The following FHIT variants were observed in gnomAD, a reference collection of about 807,000 sequenced individuals.
FHIT encodes bis(5'-adenosyl)-triphosphatase.
A neutral mutation model predicts 17.9 loss-of-function variants in FHIT; 19 were observed. The ratio of observed to expected loss-of-function variants is 1.06; its 90% CI spans 0.74 to 1.56. FHIT has a LOEUF of 1.56. Ranked by LOEUF, FHIT falls within the 40% of genes most tolerant of loss-of-function variation. The probability of loss-of-function intolerance (pLI) is 0.00; values close to 1 mark genes in which losing one functional copy is unlikely to be tolerated. For missense variants in FHIT, 248 were observed against 189.2 expected, an observed-to-expected ratio of 1.31 and a Z score of -1.82; for synonymous variants, 81 against 69.7, an observed-to-expected ratio of 1.16 and a Z score of -0.81.
intron 4 of FHIT, among the ~76,000 whole-genome samples, chr3:60,632,559 C>T (rs1049326088): frequency 6.6e-6 from 1 of 152,134 alleles, no homozygotes; most frequent in Non-Finnish European, 1.5e-5. Context: ...ATAATTTAGT[C>T]CTGATTTCCA....
intron 1 of FHIT, among the ~76,000 whole-genome samples, chr3:61,233,653 G>A (rs2106885219): frequency 6.6e-6 from 1 of 152,236 alleles, no homozygotes; most frequent in Non-Finnish European, 1.5e-5. Flanking sequence ...GCAAGATTAT[G>A]GGTGAAATAT....
chr3:61,220,922 T>C (rs2039819073), intron 1 of FHIT, among the ~76,000 whole-genome samples: 1 of 152,204 alleles, frequency 6.6e-6, no homozygotes, highest in African/African-American at 2.4e-5. Flanking sequence ...CGACATGCCC[T>C]TGCCACATCT....
intron 5 of FHIT, among the ~76,000 whole-genome samples, chr3:60,147,052 A>G (rs1159853862): frequency 1.3e-5 from 2 of 152,216 alleles, no homozygotes; most frequent in Non-Finnish European, 2.9e-5. Context: ...AGGAAGAAAA[A>G]TAAAGGAGCG....
chr3:60,012,262 TGTTG>T (rs1157335041), intron 6 of FHIT, among the ~76,000 whole-genome samples: 10 of 137,332 alleles, frequency 7.3e-5, no homozygotes, highest in African/African-American at 2.8e-4. Flanking sequence ...GTGTTTTTTT[TGTTG>T]TTTTTTTTTT....
At chr3:59,977,769 A>G (rs538237912) in intron 7 of FHIT, among the ~76,000 whole-genome samples, 2 of 152,316 alleles carry the variant, frequency 1.3e-5, no homozygotes, top group African/African-American at 4.8e-5. Context: ...TAGCTCCAGG[A>G]CAAAAGACTT....
intron 4 of FHIT, among the ~76,000 whole-genome samples, chr3:60,619,095 A>T (rs2039038649): frequency 6.6e-6 from 1 of 152,184 alleles, no homozygotes; most frequent in Non-Finnish European, 1.5e-5. Flanking sequence ...GCAAAGATTA[A>T]CATAGCAACT....
intron 5 of FHIT, among the ~76,000 whole-genome samples, chr3:60,267,146 G>T (rs1170774166): frequency 6.6e-6 from 1 of 151,950 alleles, no homozygotes; most frequent in East Asian, 1.9e-4. Context: ...AAAATCAATA[G>T]AAAGAGCTTG....
At chr3:61,129,395 C>T (rs776493013) in intron 2 of FHIT, among the ~76,000 whole-genome samples, 6 of 152,134 alleles carry the variant, frequency 3.9e-5, no homozygotes, top group African/African-American at 7.2e-5. Flanking sequence ...GAGTGTGCAA[C>T]TGCTTGGTGA....
At chr3:60,541,829 T>C (rs2036196339) in intron 4 of FHIT, among the ~76,000 whole-genome samples, 1 of 152,228 alleles carries the variant, frequency 6.6e-6, no homozygotes, top group Non-Finnish European at 1.5e-5. Context: ...GAAGAAGTCA[T>C]GTACCAGAAG....
rs143067083 is a variant in FHIT at position 60,089,361 on chromosome 3, G to A, written c.104-75209C>T. Among the ~76,000 whole-genome samples the A allele has an allele frequency of 1.6e-4, 24 of 152,116 alleles. No individual in the cohort carries two copies. In the East Asian group the frequency reaches 4.5e-3, roughly 28 times the overall value. On this transcript the variant is annotated intron_variant, in intron 5 of 9. Transcript: ENST00000492590. The stretch of plus-strand genomic sequence containing the variant: ...TGGTGGTATCCTCAATAAACTATGA[G>A]TTCTGTGGGGGAAGGAACCATGATT...
At chr3:60,955,633 T>TATATATATATATATATATACACACAC in intron 3 of FHIT, among the ~76,000 whole-genome samples, 1 of 39,548 alleles carries the variant, frequency 2.5e-5, no homozygotes, top group African/African-American at 8.0e-5. Flanking sequence ...TATATATATA[T>TATATATATATATATATATACACACAC]ACACACACAC....
chr3:60,463,866 C>T (rs1222195668), intron 5 of FHIT, among the ~76,000 whole-genome samples: 1 of 152,196 alleles, frequency 6.6e-6, no homozygotes, highest in African/African-American at 2.4e-5. Flanking sequence ...CAGGGCCTGA[C>T]ACAATAAAGG....
intron 2 of FHIT, among the ~76,000 whole-genome samples, chr3:61,168,891 C>T (rs145844863): frequency 8.0e-4 from 122 of 152,200 alleles, no homozygotes; most frequent in African/African-American, 2.8e-3. Context: ...GGTTGAAAGC[C>T]AGAAGCTATG....
intron 7 of FHIT, among the ~76,000 whole-genome samples, chr3:60,003,428 T>C (rs1238056965): frequency 6.6e-6 from 1 of 152,176 alleles, no homozygotes; most frequent in Non-Finnish European, 1.5e-5. Flanking sequence ...GCACACATTA[T>C]TGTATGGTCT....
intron 8 of FHIT, among the ~76,000 whole-genome samples, chr3:59,897,397 C>T (rs1409617385): frequency 2.6e-5 from 4 of 152,146 alleles, no homozygotes; most frequent in African/African-American, 9.7e-5. Flanking sequence ...CTTCCTGTTC[C>T]CTAAATAGCA....
intron 4 of FHIT, among the ~76,000 whole-genome samples, chr3:60,652,949 A>C (rs536239055): frequency 2.1e-5 from 3 of 140,516 alleles, no homozygotes; most frequent in African/African-American, 7.8e-5. Flanking sequence ...AAAACAAAAC[A>C]AAACAAAACC....
intron 5 of FHIT, among the ~76,000 whole-genome samples, chr3:60,370,120 T>G (rs781193951): frequency 6.6e-6 from 1 of 152,202 alleles, no homozygotes; most frequent in Admixed American, 6.5e-5. Flanking sequence ...ATTTTACTCA[T>G]AATATGTAAA....
chr3:60,559,284 T>C (rs2036849430), intron 4 of FHIT, among the ~76,000 whole-genome samples: 1 of 152,176 alleles, frequency 6.6e-6, no homozygotes, highest in Non-Finnish European at 1.5e-5. Flanking sequence ...TGCATTTCTA[T>C]AAAATTCAGC....
chr3:60,607,896 T>C (rs1407243365), intron 4 of FHIT, among the ~76,000 whole-genome samples: 6 of 152,202 alleles, frequency 3.9e-5, no homozygotes, highest in Admixed American at 2.0e-4. Context: ...AAAGGATGAA[T>C]GGAGAATAGT....
Sources: allele counts gnomAD v4.1 joint callset (sites outside exome capture counted in the v4.1 genomes callset), GRCh38; gene constraint gnomAD v4.1.1; transcripts MANE v1.5; gene names NCBI Gene and HGNC (gene_info 2026-07-23, HGNC 2026-07-21).